NAALADL2: variants seen among roughly 807,000 people sequenced by gnomAD.
NAALADL2 encodes N-acetylated alpha-linked acidic dipeptidase like 2.
NAALADL2 carries 76 observed loss-of-function variants against 87.2 expected under a neutral mutation model. The ratio of observed to expected loss-of-function variants is 0.87; its 90% CI spans 0.72 to 1.05. The LOEUF is 1.05. Ranked by LOEUF, NAALADL2 falls within the 50% of genes least tolerant of loss-of-function variation. NAALADL2 has a pLI of 0.00. For synonymous variants in NAALADL2, 354 were observed against 331.0 expected, an observed-to-expected ratio of 1.07 and a Z score of -0.75; for missense variants, 1,089 against 945.8, an observed-to-expected ratio of 1.15 and a Z score of -1.99.
Position 175,201,739 on chromosome 3 carries a change from A to G in NAALADL2, c.546-32192A>G, listed in dbSNP as rs1740059046. On this transcript the variant is annotated intron_variant, in intron 2 of 13. Transcript: ENST00000454872. ...TCTGTTGTGTGTCTCTTTCTCACTT[A>G]AGTATCATTGCTTTGCCTAGCTAGC... Among the ~76,000 whole-genome samples, 3 of 152,024 alleles carry G rather than the reference A, an allele frequency of 2.0e-5. No homozygotes were observed. The South Asian group carries it at 6.2e-4, about 32-fold the overall frequency.
At chr3:174,557,045 T>C (rs1444105963) in intron 2 of NAALADL2, among the ~76,000 whole-genome samples, 2 of 152,202 alleles carry the variant, frequency 1.3e-5, no homozygotes, top group Non-Finnish European at 2.9e-5. Context: ...CGTGCCCAGC[T>C]ACATTTTTAC....
intron 13 of NAALADL2, among the ~76,000 whole-genome samples, chr3:175,759,917 T>C (rs1338489321): frequency 6.6e-6 from 1 of 152,166 alleles, no homozygotes; most frequent in Non-Finnish European, 1.5e-5. Context: ...TCATTTTTCA[T>C]GGACACAAAA....
chr3:175,674,426 A>C (rs142426679), intron 11 of NAALADL2, among the ~76,000 whole-genome samples: 1,890 of 150,836 alleles, frequency 0.013, 44 homozygotes, highest in African/African-American at 0.044. Context: ...CCCCTGGCTA[A>C]TGTTTTTTTT....
chr3:175,081,592 T>C (rs562657301), intron 1 of NAALADL2, among the ~76,000 whole-genome samples: 2 of 152,320 alleles, frequency 1.3e-5, no homozygotes, highest in African/African-American at 2.4e-5. Flanking sequence ...TTTTTCTCCA[T>C]TGAGGGAGAT....
intron 1 of NAALADL2, among the ~76,000 whole-genome samples, chr3:174,531,056 A>C (rs1196685201): frequency 6.6e-6 from 1 of 152,222 alleles, no homozygotes; most frequent in Admixed American, 6.5e-5. Flanking sequence ...ATTAGGACAA[A>C]TATACAAGCT....
At position 175,704,443 on chromosome 3, in the gene NAALADL2, A is replaced by G. The variant is rs898326052; in HGVS notation, c.1897-32863A>G. Among the ~76,000 whole-genome samples the G allele has an allele frequency of 6.7e-5, 10 of 148,876 alleles. 1 individual carries two copies. The highest frequency in any genetic ancestry group is 2.0e-4 in the Admixed American group (3 of 15,104). On this transcript the variant is annotated intron_variant, in intron 11 of 13. Coordinates refer to ENST00000454872, the MANE Select transcript of NAALADL2 (RefSeq NM_207015.3). The stretch of plus-strand genomic sequence containing the variant: ...GCCACTTTACTTATTTTTACGACAG[A>G]AAAATAGATGTGAAATACATTTTTT...
chr3:175,629,918 CTGTT>C (rs974544427), intron 11 of NAALADL2, among the ~76,000 whole-genome samples: 4 of 151,682 alleles, frequency 2.6e-5, no homozygotes, highest in Admixed American at 6.6e-5. Flanking sequence ...GTTTTAAAAT[CTGTT>C]TGATGAGTGA....
At chr3:175,166,356 C>T (rs1030907806) in intron 2 of NAALADL2, among the ~76,000 whole-genome samples, 4 of 151,984 alleles carry the variant, frequency 2.6e-5, no homozygotes, top group Admixed American at 2.6e-4. Flanking sequence ...ACTCTCTCTC[C>T]ATTTCTTCCC....
chr3:175,693,434 A>T (rs1737304384), intron 11 of NAALADL2, among the ~76,000 whole-genome samples: 1 of 152,156 alleles, frequency 6.6e-6, no homozygotes. Context: ...TTCAGATGTG[A>T]CATTACAAGG....
chr3:174,446,806 T>C (rs778992386), intron 1 of NAALADL2, among the ~76,000 whole-genome samples: 1 of 152,118 alleles, frequency 6.6e-6, no homozygotes, highest in Non-Finnish European at 1.5e-5. Context: ...ATAACACTTT[T>C]TTGAAATGCT....
chr3:174,701,345 C>G (rs11926200), intron 2 of NAALADL2, among the ~76,000 whole-genome samples: 66,229 of 151,466 alleles, frequency 0.44, 14,698 homozygotes, highest in South Asian at 0.53. Flanking sequence ...GTGTTATGAG[C>G]TAATTAAAAA....
At position 175,732,512 on chromosome 3, in the gene NAALADL2, C is replaced by G. The variant is rs541275278; in HGVS notation, c.1897-4794C>G. The stretch of plus-strand genomic sequence containing the variant: ...AAAGTCCATCTAGGTGTAGTTGTAT[C>G]CCTCACTGACAAACAATGAGATTTC... On this transcript the variant is annotated intron_variant, in intron 11 of 13. Coordinates refer to ENST00000454872, the MANE Select transcript of NAALADL2 (RefSeq NM_207015.3). 7.9e-5 allele frequency among the ~76,000 whole-genome samples: 12 copies of G among 152,250 alleles called. No homozygotes were observed. The East Asian group carries it at 2.3e-3, about 29-fold the overall frequency.
chr3:175,547,148 A>T lies in NAALADL2; in HGVS notation c.1654-28893A>T, dbSNP rs148105827. On this transcript the variant is annotated intron_variant, in intron 9 of 13. Transcript: ENST00000454872. Reference sequence around the variant, plus strand: ...CAAAAAGAACAAAGCTGGAGGCATCACTACCTGATTTCAAATATATTACAG... The same window carrying T: ...CAAAAAGAACAAAGCTGGAGGCATCTCTACCTGATTTCAAATATATTACAG... Among the ~76,000 whole-genome samples, 1,288 of 152,204 alleles carry T rather than the reference A, an allele frequency of 8.5e-3. 8 individuals carry two copies. Among genetic ancestry groups the T allele is most frequent in the Non-Finnish European group, 0.015 (1,044 of 67,946 alleles).
chr3:175,726,553 A>G (rs911602461), intron 11 of NAALADL2, among the ~76,000 whole-genome samples: 6 of 152,126 alleles, frequency 3.9e-5, no homozygotes, highest in African/African-American at 1.2e-4. Context: ...TTCTCCAGCA[A>G]GGTTAAGCTT....
chr3:174,734,711 A>G (rs949869705), intron 2 of NAALADL2, among the ~76,000 whole-genome samples: 1 of 152,216 alleles, frequency 6.6e-6, no homozygotes, highest in Admixed American at 6.5e-5. Flanking sequence ...TTTCTTTGTG[A>G]GAAAAGAAAG....
chr3:175,336,654 G>C (rs1762006544), intron 5 of NAALADL2, among the ~76,000 whole-genome samples: 1 of 152,112 alleles, frequency 6.6e-6, no homozygotes, highest in Non-Finnish European at 1.5e-5. Flanking sequence ...AAATAATCTG[G>C]TTGATTGTTT....
chr3:174,758,411 C>A (rs1370788546), intron 3 of NAALADL2, among the ~76,000 whole-genome samples: 1 of 152,104 alleles, frequency 6.6e-6, no homozygotes, highest in Non-Finnish European at 1.5e-5. Flanking sequence ...AGTAAATGCT[C>A]AGTGATCATT....
At chr3:174,887,008 C>T (rs1049866008) in intron 1 of NAALADL2, among the ~76,000 whole-genome samples, 2 of 152,176 alleles carry the variant, frequency 1.3e-5, no homozygotes, top group African/African-American at 4.8e-5. Context: ...TATTTCTACT[C>T]TAATAATCAA....
intron 1 of NAALADL2, among the ~76,000 whole-genome samples, chr3:175,007,185 C>G (rs1445308013): frequency 2.0e-5 from 3 of 147,168 alleles, no homozygotes; most frequent in Non-Finnish European, 3.0e-5. Flanking sequence ...ACTCTAAAGG[C>G]CAGAAAAGGA....
Sources: gnomAD v4.1 joint callset for allele counts (sites outside exome capture counted in the v4.1 genomes callset) on GRCh38, gnomAD v4.1.1 for gene constraint, MANE v1.5 for transcripts, NCBI Gene and HGNC (gene_info 2026-07-23, HGNC 2026-07-21) for gene names.